Variants in PARP8 observed in about 807,000 individuals in gnomAD.
PARP8 encodes poly(ADP-ribose) polymerase family member 8, also known as protein mono-ADP-ribosyltransferase PARP8.
PARP8 carries 51 observed loss-of-function variants against 124.1 expected under a neutral mutation model. That is an observed-to-expected ratio of 0.41 (90% CI 0.33 to 0.52). The LOEUF (loss-of-function observed/expected upper bound fraction) is 0.52. PARP8 is among the 20% of genes least tolerant of loss of function. The pLI, the probability that PARP8 is intolerant of heterozygous loss-of-function variation, is 0.21. For missense variants in PARP8, 860 were observed against 1,018.9 expected (o/e 0.84, Z 2.12); for synonymous variants, 391 against 361.5 (o/e 1.08, Z -0.93).
chr5:50,686,236 G>A (rs1439662289), intron 2 of PARP8, among the ~76,000 whole-genome samples: 1 of 152,166 alleles, frequency 6.6e-6, no homozygotes, highest in Non-Finnish European at 1.5e-5. Context: ...CCAAAACAGA[G>A]GGGCTACAGG....
At chr5:50,707,108 A>C (rs1754229751) in intron 2 of PARP8, among the ~76,000 whole-genome samples, 1 of 152,120 alleles carries the variant, frequency 6.6e-6, no homozygotes, top group African/African-American at 2.4e-5. Context: ...AAACTGATAT[A>C]AAACCTTTTT....
intron 2 of PARP8, among the ~76,000 whole-genome samples, chr5:50,729,825 T>C (rs1024643003): frequency 3.3e-5 from 5 of 152,164 alleles, no homozygotes; most frequent in African/African-American, 9.7e-5. Flanking sequence ...AAAATACTCA[T>C]TGGTTTTAAA....
At chr5:50,740,076 C>A (rs34241669) in intron 2 of PARP8, among the ~76,000 whole-genome samples, 31,174 of 151,814 alleles carry the variant, frequency 0.21, 3,376 homozygotes, top group South Asian at 0.34. Flanking sequence ...AGTAAGCATT[C>A]ATTCTACGTA....
chr5:50,685,097 T>C (rs1036380076), intron 2 of PARP8, among the ~76,000 whole-genome samples: 2 of 152,166 alleles, frequency 1.3e-5, no homozygotes, highest in Non-Finnish European at 2.9e-5. Context: ...TGCAGTTGAT[T>C]AGAGAGTGGT....
chr5:50,833,992 G>A lies in PARP8; in HGVS notation c.2321G>A (p.Gly774Glu), dbSNP rs1437138665. The change falls in exon 24 of 26, where the codon GGA becomes GAA. Residue 774 changes from glycine to glutamate, a missense_variant. Transcript: ENST00000281631. ...TTTGGAATTTAGTCACAGAAAAAAGGACAGCAATCCCAATTCCTGCAAAGC... is the reference window on the plus strand; with the variant it reads ...TTTGGAATTTAGTCACAGAAAAAAGAACAGCAATCCCAATTCCTGCAAAGC... Reference protein sequence around the residue: ...SSNTSQSQKKGQQSQFLQSRN... With the variant: ...SSNTSQSQKKEQQSQFLQSRN... 6 of 1,611,748 alleles carry A rather than the reference G, an allele frequency of 3.7e-6. No individual in the cohort carries two copies. The highest frequency in any genetic ancestry group is 1.1e-5 in the South Asian group (1 of 90,934).
intron 14 of PARP8, among the ~76,000 whole-genome samples, chr5:50,798,740 C>T (rs544506766): frequency 1.8e-4 from 28 of 152,068 alleles, no homozygotes; most frequent in Non-Finnish European, 3.2e-4. Context: ...CGCACCCGGC[C>T]GAAGCAGTTT....
intron 2 of PARP8, among the ~76,000 whole-genome samples, chr5:50,714,271 A>C (rs1755076511): frequency 6.6e-6 from 1 of 151,902 alleles, no homozygotes; most frequent in African/African-American, 2.4e-5. Flanking sequence ...GCTTGGCTCA[A>C]CATAGACAAA....
At chr5:50,836,186 C>A (rs1467012601) in intron 25 of PARP8, among the ~76,000 whole-genome samples, 1 of 152,084 alleles carries the variant, frequency 6.6e-6, no homozygotes, top group East Asian at 1.9e-4. Context: ...CTATAGATTT[C>A]TTTCTTAACA....
chr5:50,667,968 G>A lies in PARP8; in HGVS notation c.92-103G>A, dbSNP rs2112182952. ...GCCCTCTAGCCCTTGCCTTCTGCCC[G>A]GCCAGGCCTCCCCTGACACCACCGA... On this transcript the variant is annotated intron_variant, in intron 1 of 25. Transcript: ENST00000281631. 3.8e-6 allele frequency: 6 copies of A among 1,594,344 alleles called. No individual in the cohort carries two copies. The Admixed American group carries it at 5.0e-5, about 13-fold the overall frequency.
intron 2 of PARP8, among the ~76,000 whole-genome samples, chr5:50,740,758 A>T (rs1320161531): frequency 1.3e-5 from 2 of 151,912 alleles, no homozygotes; most frequent in African/African-American, 4.8e-5. Context: ...GGCTGCAGTG[A>T]ACCGTGATTG....
intron 7 of PARP8, among the ~76,000 whole-genome samples, chr5:50,763,706 T>C (rs1034727268): frequency 2.0e-5 from 3 of 150,176 alleles, no homozygotes; most frequent in African/African-American, 7.3e-5. Flanking sequence ...AGTTACCTAA[T>C]ATATTATTTG....
At chr5:50,743,364 G>A (rs1218086348) in intron 2 of PARP8, among the ~76,000 whole-genome samples, 4 of 151,948 alleles carry the variant, frequency 2.6e-5, no homozygotes. Flanking sequence ...AAATGATGAT[G>A]AACATGAAAG....
intron 9 of PARP8, 69 bp downstream of exon 9, chr5:50,778,719 C>A: frequency 2.1e-6 from 2 of 969,506 alleles, no homozygotes; most frequent in Non-Finnish European, 3.0e-6. Context: ...AAGCAAAATG[C>A]GTGTTCATTT....
At chr5:50,673,512 C>T (rs1232713933) in intron 2 of PARP8, among the ~76,000 whole-genome samples, 1 of 152,068 alleles carries the variant, frequency 6.6e-6, no homozygotes, top group Non-Finnish European at 1.5e-5. Flanking sequence ...AGCTGTTTTA[C>T]GTTTTATAGC....
At chr5:50,735,967 CT>C (rs1561305951) in intron 2 of PARP8, among the ~76,000 whole-genome samples, 2 of 146,626 alleles carry the variant, frequency 1.4e-5, no homozygotes, top group Non-Finnish European at 3.0e-5. Flanking sequence ...CCCCCCCCCC[CT>C]TTTATTAGTG....
At position 50,678,197 on chromosome 5, in the gene PARP8, C is replaced by A. The variant is rs189844138; in HGVS notation, c.146+10072C>A. Among the ~76,000 whole-genome samples the A allele has an allele frequency of 2.9e-3, 442 of 152,182 alleles. 1 individual carries two copies. The highest frequency in any genetic ancestry group is 4.8e-3 in the Non-Finnish European group (327 of 67,972). ...ATTATTAAGAACCATTACAAAAATTCCCTGCCTACTAATTTTCAATCACCA... is the reference window on the plus strand; with the variant it reads ...ATTATTAAGAACCATTACAAAAATTACCTGCCTACTAATTTTCAATCACCA... On this transcript the variant is annotated intron_variant, in intron 2 of 25. Coordinates refer to ENST00000281631, the MANE Select transcript of PARP8 (RefSeq NM_024615.4).
At chr5:50,728,864 T>C (rs897829980) in intron 2 of PARP8, among the ~76,000 whole-genome samples, 8 of 152,220 alleles carry the variant, frequency 5.3e-5, no homozygotes, top group Admixed American at 1.3e-4. Context: ...TTTTTCCATA[T>C]TTTATATTGG....
chr5:50,668,107 A>G lies in PARP8; in HGVS notation c.128A>G (p.Tyr43Cys), dbSNP rs1217703534. Reference sequence around the variant, plus strand: ...TCTGACTCCACCTTTACTTTTACCTACGTTGGCGGCCCCAGAAGGTATTTA... The same window carrying G: ...TCTGACTCCACCTTTACTTTTACCTGCGTTGGCGGCCCCAGAAGGTATTTA... ...RYSDSTFTFT[Y>C]VGGPRSVSYS... Residue 43 changes from tyrosine (Y) to cysteine (C), a missense_variant, in exon 2 of 26, where the codon TAC (tyrosine) becomes TGC (cysteine). Transcript: ENST00000281631. 4 of 1,611,290 alleles carry G rather than the reference A, an allele frequency of 2.5e-6. No homozygotes were observed. Among genetic ancestry groups the G allele is most frequent in the African/African-American group, 2.7e-5 (2 of 74,762 alleles).
intron 9 of PARP8, among the ~76,000 whole-genome samples, chr5:50,783,064 C>T (rs919383272): frequency 8.6e-5 from 13 of 151,832 alleles, no homozygotes; most frequent in Non-Finnish European, 1.5e-4. Flanking sequence ...AGAAATAGGA[C>T]ATGTCTGGTA....
Sources: gnomAD v4.1 joint callset for allele counts (sites outside exome capture counted in the v4.1 genomes callset) on GRCh38, gnomAD v4.1.1 for gene constraint, MANE v1.5 for transcripts, NCBI Gene and HGNC (gene_info 2026-07-23, HGNC 2026-07-21) for gene names.